PTPRK: variants seen among roughly 807,000 people sequenced by gnomAD.
PTPRK encodes the protein protein tyrosine phosphatase receptor type K, also known as receptor-type tyrosine-protein phosphatase kappa.
Under a neutral mutation model 178.0 loss-of-function variants are expected in PTPRK, and 75 were observed. The ratio of observed to expected loss-of-function variants is 0.42; its 90% CI spans 0.35 to 0.51. PTPRK has a LOEUF of 0.51. Ranked by LOEUF, PTPRK falls within the 20% of genes least tolerant of loss-of-function variation. PTPRK has a pLI of 0.02. For missense variants in PTPRK, 1,441 were observed against 1,797.8 expected (o/e 0.80, Z 3.59); for synonymous variants, 637 against 620.6 (o/e 1.03, Z -0.39).
chr6:128,278,389 T>G (rs1247448686), intron 3 of PTPRK, among the ~76,000 whole-genome samples: 1 of 152,016 alleles, frequency 6.6e-6, no homozygotes, highest in Non-Finnish European at 1.5e-5. Context: ...AAATCCCGAC[T>G]TTGTGATCTG....
intron 3 of PTPRK, among the ~76,000 whole-genome samples, chr6:128,287,643 A>G (rs1327201161): frequency 2.6e-5 from 4 of 152,080 alleles, no homozygotes. Context: ...AAAACTAGAC[A>G]CCATTGCCCT....
intron 3 of PTPRK, among the ~76,000 whole-genome samples, chr6:128,294,109 G>T (rs1453036869): frequency 6.6e-6 from 1 of 151,936 alleles, no homozygotes; most frequent in East Asian, 1.9e-4. Context: ...GTTTATGTTT[G>T]ATACATTAGT....
At chr6:128,040,451 A>G (rs1776982006) in intron 13 of PTPRK, among the ~76,000 whole-genome samples, 1 of 152,084 alleles carries the variant, frequency 6.6e-6, no homozygotes, top group South Asian at 2.1e-4. Context: ...AGAAAGCAGG[A>G]GGTATACAAG....
At chr6:127,973,596 T>A in intron 28 of PTPRK, 68 bp downstream of exon 28, 1 of 1,573,406 alleles carries the variant, frequency 6.4e-7, no homozygotes, top group Non-Finnish European at 8.7e-7. Flanking sequence ...CCAGATAGTC[T>A]TTAACATTGA....
intron 3 of PTPRK, among the ~76,000 whole-genome samples, chr6:128,288,873 A>G (rs946013957): frequency 1.3e-5 from 2 of 152,116 alleles, no homozygotes; most frequent in Non-Finnish European, 2.9e-5. Flanking sequence ...TTTTAAATTT[A>G]AAAGTATGAA....
chr6:128,152,456 T>A (rs990463939), intron 7 of PTPRK, among the ~76,000 whole-genome samples: 1 of 151,188 alleles, frequency 6.6e-6, no homozygotes, highest in Non-Finnish European at 1.5e-5. Flanking sequence ...CTGGAGTGAG[T>A]ACACTGGTGA....
At chr6:128,278,017 T>C (rs1011510459) in intron 3 of PTPRK, among the ~76,000 whole-genome samples, 2 of 152,154 alleles carry the variant, frequency 1.3e-5, no homozygotes, top group Admixed American at 6.6e-5. Context: ...AAATTATTGG[T>C]GAAATTCTAT....
At chr6:128,318,812 T>A (rs1828389943) in intron 3 of PTPRK, among the ~76,000 whole-genome samples, 1 of 152,200 alleles carries the variant, frequency 6.6e-6, no homozygotes, top group Admixed American at 6.5e-5. Flanking sequence ...AGCTGAAATT[T>A]AATATGGAGA....
intron 1 of PTPRK, among the ~76,000 whole-genome samples, chr6:128,429,844 CAG>C (rs1844598863): frequency 6.6e-6 from 1 of 152,002 alleles, no homozygotes; most frequent in African/African-American, 2.4e-5. Context: ...ATCAAATAGA[CAG>C]AGAACATCAA....
chr6:128,078,470 G>C (rs1290691504), intron 11 of PTPRK, among the ~76,000 whole-genome samples: 1 of 151,708 alleles, frequency 6.6e-6, no homozygotes, highest in African/African-American at 2.4e-5. Flanking sequence ...TGCCTACCTA[G>C]TTTCTCATAT....
rs1317963985 is a variant in PTPRK, at chr6:128,320,457, TACAACTG to T, written c.495+1575_495+1581del. ...TGTTGTTATTGTTCTTGTTTTAAAGTACAACTGACAGTCTGATTCCTTAAAGAACTAT... is the reference window on the plus strand; with the variant it reads ...TGTTGTTATTGTTCTTGTTTTAAAGTACAGTCTGATTCCTTAAAGAACTAT... On this transcript the variant is annotated intron_variant, in intron 3 of 29. Coordinates refer to ENST00000368226, the MANE Select transcript of PTPRK (RefSeq NM_002844.4). Among the ~76,000 whole-genome samples, 5 of 152,160 alleles carry T rather than the reference TACAACTG, an allele frequency of 3.3e-5. No individual in the cohort carries two copies. The South Asian group carries it at 1.0e-3, about 31-fold the overall frequency.
chr6:128,497,111 G>A (rs185815592), intron 1 of PTPRK, among the ~76,000 whole-genome samples: 10 of 152,150 alleles, frequency 6.6e-5, no homozygotes, highest in East Asian at 3.9e-4. Flanking sequence ...GTCAACTGTC[G>A]GAATTGAAGA....
intron 13 of PTPRK, among the ~76,000 whole-genome samples, chr6:128,038,217 T>C (rs10046119): frequency 0.24 from 36,001 of 151,954 alleles, 5,884 homozygotes; most frequent in African/African-American, 0.47. Flanking sequence ...TAGGAGAAAT[T>C]TAAAATACTA....
chr6:128,293,414 C>A (rs1375997200), intron 3 of PTPRK, among the ~76,000 whole-genome samples: 1 of 152,020 alleles, frequency 6.6e-6, no homozygotes, highest in Non-Finnish European at 1.5e-5. Flanking sequence ...CAAGCCAACA[C>A]CTTTTATAAG....
rs190965500 is a variant in PTPRK at position 128,284,154 on chromosome 6, A to G, written c.495+37885T>C. On this transcript the variant is annotated intron_variant, in intron 3 of 29. Coordinates refer to ENST00000368226, the MANE Select transcript of PTPRK (RefSeq NM_002844.4). Reference sequence around the variant, plus strand: ...CAAAACAAAGCCCAACTCCTACTCAATTTGGACTTCTGTAATTCACAGAAA... The same window carrying G: ...CAAAACAAAGCCCAACTCCTACTCAGTTTGGACTTCTGTAATTCACAGAAA... Among the ~76,000 whole-genome samples the G allele has an allele frequency of 3.9e-3, 593 of 152,202 alleles. 3 individuals are homozygous for G. Among genetic ancestry groups the G allele is most frequent in the African/African-American group, 0.013 (553 of 41,536 alleles).
chr6:128,207,266 T>C (rs893710533), intron 6 of PTPRK, among the ~76,000 whole-genome samples: 5 of 152,176 alleles, frequency 3.3e-5, no homozygotes. Context: ...TCATTCCTGA[T>C]TCACAGCTAA....
chr6:128,425,078 T>C (rs922423037), intron 1 of PTPRK, among the ~76,000 whole-genome samples: 1 of 143,874 alleles, frequency 7.0e-6, no homozygotes, highest in African/African-American at 2.8e-5. Context: ...CAATGTGTAG[T>C]CTTTTTTTTT....
chr6:128,177,884 C>T (rs1281521207), intron 7 of PTPRK, among the ~76,000 whole-genome samples: 1 of 151,686 alleles, frequency 6.6e-6, no homozygotes, highest in Non-Finnish European at 1.5e-5. Flanking sequence ...CCATGAACCC[C>T]AGAGGTTTAA....
At chr6:128,285,885 ACCTCAATCCTTAAT>A (rs766226962) in intron 3 of PTPRK, among the ~76,000 whole-genome samples, 28 of 152,010 alleles carry the variant, frequency 1.8e-4, no homozygotes, top group Non-Finnish European at 3.5e-4. Context: ...ATTCTTTATG[ACCTCAATCCTTAAT>A]CCTGGGCACC....
Sources: allele counts gnomAD v4.1 joint callset (sites outside exome capture counted in the v4.1 genomes callset), GRCh38; gene constraint gnomAD v4.1.1; transcripts MANE v1.5; gene names NCBI Gene and HGNC (gene_info 2026-07-23, HGNC 2026-07-21).